The following MACF1 variants were observed in gnomAD, a reference collection of about 807,000 sequenced individuals.
MACF1 encodes the protein microtubule-actin cross-linking factor 1.
MACF1 carries 193 observed loss-of-function variants against 854.8 expected under a neutral mutation model. The observed-to-expected ratio is 0.23, with a 90% CI of 0.20 to 0.25. The LOEUF is 0.25. Among genes scored for constraint, MACF1 ranks in the 10% least tolerant of loss-of-function variants. MACF1 has a pLI of 1.00. For missense variants in MACF1, 7,722 were observed against 8,929.1 expected, an observed-to-expected ratio of 0.86 and a Z score of 5.45; for synonymous variants, 3,185 against 3,226.7, an observed-to-expected ratio of 0.99 and a Z score of 0.44.
chr1:39,117,461 T>C (rs1642575446), intron 2 of MACF1, among the ~76,000 whole-genome samples: 1 of 152,112 alleles, frequency 6.6e-6, no homozygotes, highest in Non-Finnish European at 1.5e-5. Flanking sequence ...TCCACTAATT[T>C]GGAGAATCTT....
At chr1:39,168,544 G>A (rs980744364) in intron 2 of MACF1, among the ~76,000 whole-genome samples, 1 of 152,120 alleles carries the variant, frequency 6.6e-6, no homozygotes, top group African/African-American at 2.4e-5. Flanking sequence ...GCCCAGGCAG[G>A]TCTCGAACTC....
chr1:39,399,371 C>CTTTTTTTT (rs1330401656), intron 58 of MACF1, among the ~76,000 whole-genome samples: 29 of 96,742 alleles, frequency 3.0e-4, no homozygotes, highest in African/African-American at 4.1e-4. Flanking sequence ...CTTTATAAAG[C>CTTTTTTTT]TTTTTTTTTT....
At chr1:39,122,716 T>C (rs1031358426) in intron 2 of MACF1, among the ~76,000 whole-genome samples, 1 of 151,942 alleles carries the variant, frequency 6.6e-6, no homozygotes, top group Non-Finnish European at 1.5e-5. Context: ...AGAGTGGGGG[T>C]GGGGAAAGGT....
In MACF1 at chr1:39,282,427, T is replaced by C. The variant is rs1645564985; in HGVS notation, c.695+53T>C. The C allele has an allele frequency of 8.4e-6, 13 of 1,541,618 alleles. No individual in the cohort carries two copies. The South Asian group carries it at 1.4e-4, about 17-fold the overall frequency. On this transcript the variant is annotated intron_variant, in intron 7 of 100. Transcript: ENST00000564288. The stretch of plus-strand genomic sequence containing the variant: ...TGCAGGGCTTTTTCTCATCTCTTGT[T>C]TGTAATTAGTTATAATACTGTTTCC...
At chr1:39,310,115 T>C in intron 24 of MACF1, 130 bp from the exon 25 acceptor site, 1 of 806,290 alleles carries the variant, frequency 1.2e-6, no homozygotes, top group South Asian at 1.9e-5. Context: ...ATTCAAATTA[T>C]AAAAATCAAC....
chr1:39,374,361 C>T (rs547656962), intron 52 of MACF1, among the ~76,000 whole-genome samples: 4 of 152,246 alleles, frequency 2.6e-5, no homozygotes, highest in South Asian at 4.1e-4. Flanking sequence ...AGTCACTTAA[C>T]GAGTAAAGGA....
chr1:39,368,234 G>A lies in MACF1; in HGVS notation c.12858G>A (p.Ala4286=), dbSNP rs774499792. The change falls in exon 50 of 101, where the codon GCG becomes GCA. Residue 4286 remains alanine, a synonymous_variant. Transcript: ENST00000564288. The stretch of plus-strand genomic sequence containing the variant: ...CTGAACTGAGCTCTTGTGGCTTTGC[G>A]CTGGACTTGTGCCAGCATCAGGACA... The part of the protein sequence containing the change: ...LVTELSSCGF[A]LDLCQHQDRV... 25 of 1,613,960 alleles carry A rather than the reference G, an allele frequency of 1.5e-5. 1 individual carries two copies. The South Asian group carries it at 2.0e-4, about 13-fold the overall frequency.
chr1:39,170,663 A>C (rs1643936516), intron 2 of MACF1, among the ~76,000 whole-genome samples: 3 of 152,244 alleles, frequency 2.0e-5, no homozygotes, highest in South Asian at 2.1e-4. Flanking sequence ...AATTTATTGA[A>C]TATCCACTGA....
intron 2 of MACF1, among the ~76,000 whole-genome samples, chr1:39,096,039 C>A (rs1382035526): frequency 6.6e-6 from 1 of 151,832 alleles, no homozygotes; most frequent in Non-Finnish European, 1.5e-5. Flanking sequence ...CGTAGTGGCA[C>A]ATACCTGTGG....
At chr1:39,195,383 C>A (rs1291906861) in intron 2 of MACF1, among the ~76,000 whole-genome samples, 1 of 152,182 alleles carries the variant, frequency 6.6e-6, no homozygotes, top group African/African-American at 2.4e-5. Flanking sequence ...TCCTCTCATT[C>A]ATTTATTAAT....
At position 39,336,632 on chromosome 1, in the gene MACF1, A is replaced by G. The variant is rs1482276550; in HGVS notation, c.10044A>G (p.Pro3348=). The G allele has an allele frequency of 6.2e-7, 1 of 1,606,944 alleles. No individual in the cohort carries two copies. Among genetic ancestry groups the G allele is most frequent in the African/African-American group, 1.3e-5 (1 of 74,344 alleles). Reference sequence around the variant, plus strand: ...GAAAGGGAAATGGAGGTGTAAACCCAGAGCCCTTCAGAGCAACTCAGGTCA... The same window carrying G: ...GAAAGGGAAATGGAGGTGTAAACCCGGAGCCCTTCAGAGCAACTCAGGTCA... The part of the protein sequence containing the change: ...PEGKGNGGVN[P]EPFRATQNVF... The change falls in exon 37 of 101, where the codon CCA becomes CCG. Residue 3348 remains proline (P), a synonymous_variant. Coordinates refer to ENST00000564288, the MANE Select transcript of MACF1 (RefSeq NM_001394062.1).
rs75778681 is a variant in MACF1, at chr1:39,155,513, A to G, written c.220+71075A>G. On this transcript the variant is annotated intron_variant, in intron 2 of 93. Coordinates refer to the MACF1 transcript ENST00000361689. ...TTTTCAGCACTTAAATTCAGATTGTACTATGCTGATTGCTTTCAGATCATG... is the reference window on the plus strand; with the variant it reads ...TTTTCAGCACTTAAATTCAGATTGTGCTATGCTGATTGCTTTCAGATCATG... Among the ~76,000 whole-genome samples, 1,459 of 152,318 alleles carry G rather than the reference A, an allele frequency of 9.6e-3. 23 individuals are homozygous for G. The highest frequency in any genetic ancestry group is 0.033 in the African/African-American group (1,387 of 41,562).
At chr1:39,281,185 C>T (rs1416695938) in intron 6 of MACF1, among the ~76,000 whole-genome samples, 1 of 152,020 alleles carries the variant, frequency 6.6e-6, no homozygotes, top group African/African-American at 2.4e-5. Flanking sequence ...TAGCTTTTTT[C>T]TTATTATAAA....
Position 39,204,795 on chromosome 1 carries a change from T to A in MACF1, c.-228T>A. Reference sequence around the variant, plus strand: ...CCCGCTGGCCAGTTGTTTCCTGGGCTTTGTCTGAGATACACTGTACAGTTT... The same window carrying A: ...CCCGCTGGCCAGTTGTTTCCTGGGCATTGTCTGAGATACACTGTACAGTTT... On this transcript the variant is annotated 5_prime_UTR_variant, in exon 1 of 101. Coordinates refer to ENST00000564288, the MANE Select transcript of MACF1 (RefSeq NM_001394062.1). The A allele has an allele frequency of 2.1e-6, 1 of 466,792 alleles. No homozygotes were observed. 28.9% of individuals were successfully genotyped at this position (466,792 alleles called of 1,614,324 possible).
At chr1:39,417,873 C>A (rs1000370844) in intron 58 of MACF1, among the ~76,000 whole-genome samples, 8 of 151,788 alleles carry the variant, frequency 5.3e-5, no homozygotes, top group African/African-American at 1.9e-4. Flanking sequence ...CCACCACACC[C>A]GGCCTGAGTA....
rs1296369898 is a variant in MACF1 at position 39,293,438 on chromosome 1, A to G, written c.1993-20A>G. ...ATACAAAGGCTGCCAGTCTAATCTT[A>G]TAATCCTTGCTTTGTCTAGGAAACT... On this transcript the variant is annotated intron_variant, in intron 17 of 100. Transcript: ENST00000564288. The G allele has an allele frequency of 6.2e-6, 10 of 1,601,146 alleles. No homozygotes were observed. Among genetic ancestry groups the G allele is most frequent in the Non-Finnish European group, 8.5e-6 (10 of 1,172,906 alleles).
chr1:39,121,759 A>G (rs1207769797), intron 2 of MACF1, among the ~76,000 whole-genome samples: 1 of 152,150 alleles, frequency 6.6e-6, no homozygotes, highest in Non-Finnish European at 1.5e-5. Context: ...GTCTTATTTA[A>G]TTGTCATAAA....
intron 26 of MACF1, among the ~76,000 whole-genome samples, chr1:39,312,695 G>C (rs1646324924): frequency 6.6e-6 from 1 of 152,100 alleles, no homozygotes; most frequent in Non-Finnish European, 1.5e-5. Flanking sequence ...TGTGGTGGCA[G>C]GTGCCTGTAA....
chr1:39,346,340 T>C (rs1467480923), intron 40 of MACF1, among the ~76,000 whole-genome samples: 1 of 151,484 alleles, frequency 6.6e-6, no homozygotes, highest in East Asian at 2.0e-4. Context: ...CCAGCCTGGG[T>C]GACAGAGCGA....
Sources: allele counts gnomAD v4.1 joint callset (sites outside exome capture counted in the v4.1 genomes callset), GRCh38; gene constraint gnomAD v4.1.1; transcripts MANE v1.5; gene names NCBI Gene and HGNC (gene_info 2026-07-23, HGNC 2026-07-21).